The following KDM2B variants were observed in gnomAD, a reference collection of about 807,000 sequenced individuals.
The protein encoded by KDM2B is lysine demethylase 2B, also known as lysine-specific demethylase 2B.
KDM2B carries 26 observed loss-of-function variants against 150.0 expected under a neutral mutation model. The observed-to-expected ratio is 0.17, with a 90% CI of 0.13 to 0.24. The LOEUF (loss-of-function observed/expected upper bound fraction) is 0.24, where lower values mean the gene tolerates loss of function less well. Ranked by LOEUF, KDM2B falls within the 10% of genes least tolerant of loss-of-function variation. The probability of loss-of-function intolerance (pLI) is 1.00; values close to 1 mark genes in which losing one functional copy is unlikely to be tolerated. For synonymous variants in KDM2B, 734 were observed against 729.5 expected, an observed-to-expected ratio of 1.01 and a Z score of -0.10; for missense variants, 1,265 against 1,816.9, an observed-to-expected ratio of 0.70 and a Z score of 5.52.
In KDM2B at chr12:121,513,468, AAGTGCGGGGC is replaced by A; in HGVS notation, c.1048-76_1048-67del. 6.4e-7 allele frequency: 1 copy of A among 1,573,166 alleles called. No individual in the cohort carries two copies. The highest frequency in any genetic ancestry group is 8.7e-7 in the Non-Finnish European group (1 of 1,147,614). On this transcript the variant is annotated intron_variant, in intron 9 of 22. Coordinates refer to ENST00000377071, the MANE Select transcript of KDM2B (RefSeq NM_032590.5). This position sits in a 1 kb window ranked among gnomAD's most constrained non-coding sequence, Gnocchi z 5.0. ...AGGGCGAAGGGGGAAGGAGGGAGAG[AAGTGCGGGGC>A]AGGCTCCCTGCAGGTGAGGGTCACT...
intron 4 of KDM2B, among the ~76,000 whole-genome samples, chr12:121,562,941 A>G (rs188151774): frequency 1.8e-4 from 28 of 152,322 alleles, no homozygotes; most frequent in Non-Finnish European, 3.2e-4. Flanking sequence ...GAATGAAGTC[A>G]TTTGTCATGA....
chr12:121,527,520 G>A (rs1887251760), intron 8 of KDM2B, among the ~76,000 whole-genome samples: 1 of 150,694 alleles, frequency 6.6e-6, no homozygotes. Flanking sequence ...CGGGCATGGT[G>A]GCAGGCGCCT....
At chr12:121,479,598 G>A (rs1247370573) in intron 12 of KDM2B, among the ~76,000 whole-genome samples, 3 of 151,976 alleles carry the variant, frequency 2.0e-5, no homozygotes, top group African/African-American at 4.8e-5. Flanking sequence ...AAGCCTGGGC[G>A]ACAAACTGTG....
At chr12:121,448,319 CAAAAAAAA>C (rs57261158) in intron 13 of KDM2B, among the ~76,000 whole-genome samples, 51 of 51,118 alleles carry the variant, frequency 1.0e-3, no homozygotes, top group South Asian at 8.7e-4. Flanking sequence ...GACTCTGTCT[CAAAAAAAA>C]AAAAAAAAAA....
chr12:121,573,223 T>C (rs1237685126), intron 4 of KDM2B, among the ~76,000 whole-genome samples: 3 of 151,310 alleles, frequency 2.0e-5, no homozygotes, highest in African/African-American at 7.3e-5. Flanking sequence ...CCTCCCAAAG[T>C]GCTAGGATTA....
At chr12:121,473,105 G>A (rs1880940665) in intron 12 of KDM2B, among the ~76,000 whole-genome samples, 1 of 152,124 alleles carries the variant, frequency 6.6e-6, no homozygotes, top group Non-Finnish European at 1.5e-5. Context: ...AAAATGAGAT[G>A]ACAGGTTGGG....
chr12:121,459,217 A>G (rs1878746733), intron 12 of KDM2B, among the ~76,000 whole-genome samples: 4 of 152,230 alleles, frequency 2.6e-5, no homozygotes, highest in Admixed American at 6.5e-5. Context: ...GAGTCCAGAA[A>G]TAAAGTCATA....
At chr12:121,474,942 C>T (rs75480022) in intron 12 of KDM2B, among the ~76,000 whole-genome samples, 1 of 152,012 alleles carries the variant, frequency 6.6e-6, no homozygotes, top group South Asian at 2.1e-4. Context: ...GGAGACAGAG[C>T]GAGACTCTGT....
At chr12:121,432,358 G>T (rs1203088979) in intron 22 of KDM2B, among the ~76,000 whole-genome samples, 1 of 152,124 alleles carries the variant, frequency 6.6e-6, no homozygotes, top group Non-Finnish European at 1.5e-5. Context: ...CTCAATACTT[G>T]ATTCATTTTA....
chr12:121,436,216 C>T (rs9634167), intron 22 of KDM2B, among the ~76,000 whole-genome samples: 52,283 of 152,056 alleles, frequency 0.34, 9,721 homozygotes, highest in East Asian at 0.44. Flanking sequence ...ACAGCAGAAA[C>T]TAAAAACTCA....
At chr12:121,420,795 AT>A in the KDM2B span, 1 of 1,585,992 alleles carries the variant, frequency 6.3e-7, no homozygotes, top group Non-Finnish European at 8.7e-7. Flanking sequence ...TTATCTTTTC[AT>A]TTTTTCCCTG....
intron 12 of KDM2B, among the ~76,000 whole-genome samples, chr12:121,479,634 T>C (rs1318869700): frequency 6.6e-6 from 1 of 151,988 alleles, no homozygotes; most frequent in African/African-American, 2.4e-5. Flanking sequence ...CTCTCTCCTT[T>C]TTTTTGAGAC....
At chr12:121,416,515 A>G in the KDM2B span, 3,836 of 642,652 alleles carry the variant, frequency 6.0e-3, 64 homozygotes, top group Non-Finnish European at 4.8e-3. Flanking sequence ...TTTTCCATCT[A>G]GAAAAATACT....
At chr12:121,547,865 A>C (rs1889191852) in intron 6 of KDM2B, among the ~76,000 whole-genome samples, 1 of 150,968 alleles carries the variant, frequency 6.6e-6, no homozygotes, top group Non-Finnish European at 1.5e-5. Flanking sequence ...CTGGTCTCGA[A>C]CTCCTGACCT....
In KDM2B at chr12:121,496,679, A is replaced by G. The variant is rs1001796041; in HGVS notation, c.1648-2014T>C. Among the ~76,000 whole-genome samples, 8 of 152,138 alleles carry G rather than the reference A, an allele frequency of 5.3e-5. No homozygotes were observed. The East Asian group carries it at 1.5e-3, about 29-fold the overall frequency. On this transcript the variant is annotated intron_variant, in intron 11 of 22. Coordinates refer to ENST00000377071, the MANE Select transcript of KDM2B (RefSeq NM_032590.5). ...CCAGCTAATTGTATTATTTGTACAG[A>G]TGGGTTCTCACCATGTTGCACAGGC...
rs560432901 is a variant in KDM2B at position 121,557,398 on chromosome 12, C to T, written c.398-7760G>A. The stretch of plus-strand genomic sequence containing the variant: ...GATTACAGGCGCCTACCACCACTTC[C>T]GGCTAATTTTTTTGTATTTTTAGTA... On this transcript the variant is annotated intron_variant, in intron 4 of 22. Transcript: ENST00000377071. Among the ~76,000 whole-genome samples, 7 of 152,022 alleles carry T rather than the reference C, an allele frequency of 4.6e-5. No individual in the cohort carries two copies. The East Asian group carries it at 9.7e-4, about 21-fold the overall frequency.
intron 6 of KDM2B, 78 bp downstream of exon 6, chr12:121,548,799 G>T: frequency 1.9e-6 from 2 of 1,059,818 alleles, no homozygotes; most frequent in Non-Finnish European, 2.9e-6. Flanking sequence ...ATGGCCAGGA[G>T]CCTCCTTCCC....
At chr12:121,507,846 A>G (rs1885226338) in intron 11 of KDM2B, among the ~76,000 whole-genome samples, 1 of 152,084 alleles carries the variant, frequency 6.6e-6, no homozygotes, top group African/African-American at 2.4e-5. Context: ...CCCCATCTCT[A>G]CAAAAAAATT....
chr12:121,459,251 A>C (rs1395957091), intron 12 of KDM2B, among the ~76,000 whole-genome samples: 1 of 152,192 alleles, frequency 6.6e-6, no homozygotes, highest in Non-Finnish European at 1.5e-5. Context: ...ATTTTTAATA[A>C]GGATGCCAAG....
Sources: gnomAD v4.1 joint callset for allele counts (sites outside exome capture counted in the v4.1 genomes callset) on GRCh38, gnomAD v4.1.1 for gene constraint, Gnocchi (gnomAD v3.1) non-coding constraint, MANE v1.5 for transcripts, NCBI Gene and HGNC (gene_info 2026-07-23, HGNC 2026-07-21) for gene names.